Variants in SORBS2 observed in about 807,000 individuals in gnomAD.
The protein encoded by SORBS2 is sorbin and SH3 domain-containing protein 2.
A neutral mutation model predicts 97.7 loss-of-function variants in SORBS2; 46 were observed. The observed-to-expected ratio is 0.47, with a 90% CI of 0.37 to 0.60. The LOEUF (loss-of-function observed/expected upper bound fraction) is 0.60. Ranked by LOEUF, SORBS2 falls within the 20% of genes least tolerant of loss-of-function variation. SORBS2 has a pLI of 0.00. For synonymous variants in SORBS2, 476 were observed against 473.4 expected (o/e 1.01, Z -0.07); for missense variants, 1,316 against 1,282.3 (o/e 1.03, Z -0.40).
At chr4:185,691,469 T>C (rs1415302838) in intron 2 of SORBS2, among the ~76,000 whole-genome samples, 1 of 152,176 alleles carries the variant, frequency 6.6e-6, no homozygotes, top group East Asian at 1.9e-4. Flanking sequence ...TCTTCCAGAG[T>C]TTTAAAAGTG....
intron 1 of SORBS2, among the ~76,000 whole-genome samples, chr4:185,809,839 C>T (rs140940954): frequency 0.012 from 1,798 of 152,114 alleles, 28 homozygotes; most frequent in African/African-American, 0.033. Flanking sequence ...TCGGGTGTGC[C>T]CTGGATATTT....
chr4:185,681,127 T>C (rs1404028527), intron 2 of SORBS2, among the ~76,000 whole-genome samples: 1 of 152,210 alleles, frequency 6.6e-6, no homozygotes, highest in Non-Finnish European at 1.5e-5. Flanking sequence ...AAAGCTTATG[T>C]TGATGATTAA....
chr4:185,704,793 C>G (rs2098319234), intron 2 of SORBS2, among the ~76,000 whole-genome samples: 1 of 152,126 alleles, frequency 6.6e-6, no homozygotes, highest in Admixed American at 6.5e-5. Context: ...TTCATTTGCC[C>G]AAGAGACTTG....
chr4:185,722,894 C>T (rs2098526706), intron 2 of SORBS2, among the ~76,000 whole-genome samples: 1 of 152,024 alleles, frequency 6.6e-6, no homozygotes, highest in Non-Finnish European at 1.5e-5. Flanking sequence ...TAAAATGCGC[C>T]AGAGCTGTAT....
At chr4:185,889,330 C>T (rs2099241298) in intron 1 of SORBS2, among the ~76,000 whole-genome samples, 1 of 152,078 alleles carries the variant, frequency 6.6e-6, no homozygotes, top group African/African-American at 2.4e-5. Flanking sequence ...CCCTTTCTCT[C>T]CCACCCTACT....
At chr4:185,775,543 A>G (rs2153629547) in intron 1 of SORBS2, 177 bp from the exon 2 acceptor site, 1 of 152,322 alleles carries the variant, frequency 6.6e-6, no homozygotes, top group South Asian at 2.1e-4. Context: ...CAGGGGGGAG[A>G]AAACACCAAC....
At chr4:185,952,429 A>G (rs1237572795) in intron 1 of SORBS2, among the ~76,000 whole-genome samples, 2 of 152,212 alleles carry the variant, frequency 1.3e-5, no homozygotes, top group African/African-American at 4.8e-5. Context: ...TCACCTGAGA[A>G]CACCGGGCCC....
intron 1 of SORBS2, among the ~76,000 whole-genome samples, chr4:185,854,958 AT>A (rs1430129693): frequency 6.6e-6 from 1 of 152,208 alleles, no homozygotes; most frequent in East Asian, 1.9e-4. Context: ...AAATAAGAGC[AT>A]TTTATATACA....
chr4:185,783,760 A>T (rs1315888690), intron 1 of SORBS2, among the ~76,000 whole-genome samples: 1 of 152,212 alleles, frequency 6.6e-6, no homozygotes, highest in Non-Finnish European at 1.5e-5. Context: ...CTGCCCTCTG[A>T]ATCAGAGTAA....
At chr4:185,662,623 G>A (rs1244352886) in intron 4 of SORBS2, among the ~76,000 whole-genome samples, 4 of 152,198 alleles carry the variant, frequency 2.6e-5, no homozygotes, top group Non-Finnish European at 5.9e-5. Context: ...GTGCTGTTCC[G>A]CATGCAGCAT....
At chr4:185,802,750 T>C (rs2099136605) in intron 1 of SORBS2, among the ~76,000 whole-genome samples, 1 of 152,184 alleles carries the variant, frequency 6.6e-6, no homozygotes, top group East Asian at 1.9e-4. Context: ...GTGATAGTCT[T>C]AAAAATCATG....
intron 1 of SORBS2, among the ~76,000 whole-genome samples, chr4:185,837,940 TTTTG>T (rs796083883): frequency 1.2e-4 from 19 of 152,248 alleles, no homozygotes; most frequent in African/African-American, 4.3e-4. Flanking sequence ...ACTTGAAGTT[TTTTG>T]TTTGTTTGCT....
At chr4:185,902,821 G>A (rs182425048) in intron 1 of SORBS2, among the ~76,000 whole-genome samples, 9 of 152,244 alleles carry the variant, frequency 5.9e-5, no homozygotes, top group African/African-American at 2.2e-4. Context: ...CACCTCTGCT[G>A]ACAGCAGTTG....
chr4:185,682,378 A>G (rs947992056), intron 2 of SORBS2, among the ~76,000 whole-genome samples: 3 of 152,232 alleles, frequency 2.0e-5, no homozygotes, highest in Admixed American at 6.5e-5. Flanking sequence ...GTTTTGGCAT[A>G]GGTTTAAAAT....
Position 185,626,945 on chromosome 4 carries a change from C to T in SORBS2, c.521G>A (p.Gly174Glu), listed in dbSNP as rs1228710974. Residue 174 changes from glycine (G) to glutamate (E), a missense_variant, in exon 6 of 15, where the codon GGA becomes GAA. By Grantham distance (98) the Gly-to-Glu change is moderately conservative. Coordinates refer to ENST00000418609, the Ensembl canonical transcript of SORBS2. ...GCTAGTCCTGCTCGCACTTTGATCT[C>T]CCAAGCCCCGTGGTGGACCCACTGC... 5 of 1,614,064 alleles carry T rather than the reference C, an allele frequency of 3.1e-6. No homozygotes were observed. In the African/African-American group the frequency reaches 6.7e-5, roughly 22 times the overall value.
intron 8 of SORBS2, 122 bp from the exon 21 acceptor site, chr4:185,618,753 T>C: frequency 2.0e-6 from 1 of 501,696 alleles, no homozygotes; most frequent in Non-Finnish European, 3.6e-6. Context: ...GTAATGTTAA[T>C]CCTGTAAGCA....
At chr4:185,753,204 C>G (rs1371173009) in intron 2 of SORBS2, among the ~76,000 whole-genome samples, 1 of 152,162 alleles carries the variant, frequency 6.6e-6, no homozygotes, top group East Asian at 1.9e-4. Context: ...TCTGTATTCA[C>G]CATTCTTTTA....
At chr4:185,640,661 A>G (rs1292094902) in intron 4 of SORBS2, among the ~76,000 whole-genome samples, 1 of 151,782 alleles carries the variant, frequency 6.6e-6, no homozygotes, top group Non-Finnish European at 1.5e-5. Flanking sequence ...CAATAGTATT[A>G]ATTGAGATTT....
At chr4:185,780,007 A>ATTTTTTTT (rs538693770) in intron 1 of SORBS2, among the ~76,000 whole-genome samples, 4 of 98,114 alleles carry the variant, frequency 4.1e-5, no homozygotes, top group African/African-American at 4.1e-5. Flanking sequence ...GTAGAGTAAC[A>ATTTTTTTT]TTTTTTTTTT....
Sources: allele counts gnomAD v4.1 joint callset (sites outside exome capture counted in the v4.1 genomes callset), GRCh38; gene constraint gnomAD v4.1.1; transcripts MANE v1.5; gene names NCBI Gene and HGNC (gene_info 2026-07-23, HGNC 2026-07-21).